The following TESC variants were observed in gnomAD, a reference collection of about 807,000 sequenced individuals.
TESC encodes the protein tescalcin, also known as calcineurin B homologous protein 3.
TESC carries 19 observed loss-of-function variants against 31.0 expected under a neutral mutation model. The ratio of observed to expected loss-of-function variants is 0.61; its 90% CI spans 0.43 to 0.90. The LOEUF is 0.90. TESC is among the 40% of genes least tolerant of loss of function. TESC has a pLI of 0.00. For synonymous variants in TESC, 109 were observed against 114.8 expected (o/e 0.95, Z 0.32); for missense variants, 248 against 303.8 (o/e 0.82, Z 1.36).
intron 1 of TESC, among the ~76,000 whole-genome samples, chr12:117,080,765 C>G (rs1955135504): frequency 1.3e-5 from 2 of 152,186 alleles, no homozygotes; most frequent in African/African-American, 4.8e-5. Flanking sequence ...CCAACCCCTT[C>G]CCTGCCCCCA....
intron 1 of TESC, among the ~76,000 whole-genome samples, chr12:117,076,135 G>C (rs1011326704): frequency 6.7e-6 from 1 of 148,660 alleles, no homozygotes; most frequent in Non-Finnish European, 1.5e-5. Context: ...ACTGCATCTG[G>C]TTGTCTGACT....
chr12:117,044,018 G>A (rs953104610), intron 6 of TESC, among the ~76,000 whole-genome samples: 3 of 152,190 alleles, frequency 2.0e-5, no homozygotes, highest in Non-Finnish European at 4.4e-5. Flanking sequence ...GGCCAAGGCA[G>A]GAGGACTGTT....
At chr12:117,098,137 A>C (rs887712700) in intron 1 of TESC, among the ~76,000 whole-genome samples, 3 of 152,092 alleles carry the variant, frequency 2.0e-5, no homozygotes, top group African/African-American at 7.2e-5. Flanking sequence ...CAGCTGGGCC[A>C]CCCTCTCTTG....
rs115562389 is a variant in TESC, at chr12:117,039,328, A to T, written c.568-118T>A. 8.1e-4 allele frequency: 794 copies of T among 981,438 alleles called. 3 individuals are homozygous for T. In the African/African-American group the frequency reaches 0.011, roughly 14 times the overall value. 60.8% of individuals were successfully genotyped at this position (981,438 alleles called of 1,614,324 possible). ...CTCCTGCCACCAACTGTGATGTTCCAGGCAGGTGAAAACCAGAGGGCTGTG... is the reference window on the plus strand; with the variant it reads ...CTCCTGCCACCAACTGTGATGTTCCTGGCAGGTGAAAACCAGAGGGCTGTG... On this transcript the variant is annotated intron_variant, in intron 7 of 7. Coordinates refer to ENST00000335209, the MANE Select transcript of TESC (RefSeq NM_017899.4).
rs115992629 is a variant in TESC at position 117,060,838 on chromosome 12, G to C, written c.129-3952C>G. Reference sequence around the variant, plus strand: ...CCAAGGCCCAGATCCCTGAGAAAGGGACCACGTGGAGCTCCAGAGGGAATC... The same window carrying C: ...CCAAGGCCCAGATCCCTGAGAAAGGCACCACGTGGAGCTCCAGAGGGAATC... On this transcript the variant is annotated intron_variant, in intron 2 of 7. Coordinates refer to ENST00000335209, the MANE Select transcript of TESC (RefSeq NM_017899.4). Among the ~76,000 whole-genome samples the C allele has an allele frequency of 4.5e-3, 692 of 152,322 alleles. 7 individuals carry two copies. The highest frequency in any genetic ancestry group is 0.015 in the African/African-American group (642 of 41,578).
chr12:117,092,815 A>C (rs949622918), intron 1 of TESC, among the ~76,000 whole-genome samples: 2 of 152,236 alleles, frequency 1.3e-5, no homozygotes, highest in African/African-American at 4.8e-5. Flanking sequence ...AATTTTAAAC[A>C]ATCAATAAAA....
intron 2 of TESC, among the ~76,000 whole-genome samples, chr12:117,072,500 A>C (rs1227853699): frequency 6.6e-6 from 1 of 152,238 alleles, no homozygotes; most frequent in African/African-American, 2.4e-5. Context: ...CAATGGCATG[A>C]AGGATTCTAA....
At chr12:117,096,408 C>G (rs536449744) in intron 1 of TESC, among the ~76,000 whole-genome samples, 1 of 152,164 alleles carries the variant, frequency 6.6e-6, no homozygotes, top group Non-Finnish European at 1.5e-5. Context: ...CCGATCGTCT[C>G]GCACGTAACC....
chr12:117,063,684 C>T (rs1954830171), intron 2 of TESC, among the ~76,000 whole-genome samples: 1 of 152,218 alleles, frequency 6.6e-6, no homozygotes, highest in South Asian at 2.1e-4. Context: ...CTTTGCCGGG[C>T]TGCCTGCCCA....
At chr12:117,075,124 C>A (rs957315503) in intron 2 of TESC, 147 bp downstream of exon 2, 4 of 784,342 alleles carry the variant, frequency 5.1e-6, no homozygotes, top group Non-Finnish European at 5.8e-6. Flanking sequence ...CCAGCCTGGG[C>A]GACGGAGCGA....
At chr12:117,097,630 C>T (rs1955413042) in intron 1 of TESC, among the ~76,000 whole-genome samples, 1 of 152,104 alleles carries the variant, frequency 6.6e-6, no homozygotes, top group Admixed American at 6.6e-5. Context: ...TATTAGTCTT[C>T]GGATTGAAGT....
rs1955439846 is a variant in TESC at position 117,099,262 on chromosome 12, C to T, written c.21G>A (p.Ala7=). The change falls in exon 1 of 8, where the codon GCG becomes GCA. Residue 7 remains alanine (A), a synonymous_variant. Transcript: ENST00000335209. ...CCTCGAGCTCCCGCACCTCCTCAGA[C>T]GCGGAGTGGGCAGCGCCCATGGTGC... MGAAHS[A]SEEVRELEGK... 1.4e-6 allele frequency: 2 copies of T among 1,469,052 alleles called. No homozygotes were observed. Among genetic ancestry groups the T allele is most frequent in the Non-Finnish European group, 1.8e-6 (2 of 1,117,974 alleles). The allele number at this position is 1,469,052 out of a possible 1,614,324, so 91.0% of individuals were successfully genotyped here. A position where few individuals can be genotyped will look rare whatever the true frequency, so the allele number is the denominator to read the frequency against.
intron 1 of TESC, among the ~76,000 whole-genome samples, chr12:117,085,247 G>A (rs1349410404): frequency 6.6e-6 from 1 of 152,168 alleles, no homozygotes; most frequent in African/African-American, 2.4e-5. Context: ...GAAGCAGCTG[G>A]GGTGGTGGGG....
At chr12:117,053,706 CT>C (rs943091228) in intron 3 of TESC, among the ~76,000 whole-genome samples, 3 of 152,184 alleles carry the variant, frequency 2.0e-5, no homozygotes, top group Non-Finnish European at 4.4e-5. Flanking sequence ...CACACACCCC[CT>C]AAACGTGCAC....
At chr12:117,089,229 G>A (rs1044322300) in intron 1 of TESC, among the ~76,000 whole-genome samples, 3 of 152,178 alleles carry the variant, frequency 2.0e-5, no homozygotes, top group African/African-American at 7.2e-5. Context: ...CCCAAACCAA[G>A]GAGTTAATGT....
At chr12:117,093,653 G>A (rs147131083) in intron 1 of TESC, among the ~76,000 whole-genome samples, 1 of 152,308 alleles carries the variant, frequency 6.6e-6, no homozygotes, top group Non-Finnish European at 1.5e-5. Context: ...GAAACCAACC[G>A]TGTTCCTGGG....
chr12:117,064,002 G>A (rs377379536), intron 2 of TESC, among the ~76,000 whole-genome samples: 61 of 152,170 alleles, frequency 4.0e-4, no homozygotes, highest in African/African-American at 1.3e-3. Flanking sequence ...ATGGCTCACT[G>A]CAGCCTTGAA....
chr12:117,077,871 T>A (rs1166242262), intron 1 of TESC, among the ~76,000 whole-genome samples: 1 of 152,112 alleles, frequency 6.6e-6, no homozygotes, highest in Non-Finnish European at 1.5e-5. Flanking sequence ...CTTTACATAG[T>A]CGTGTTCTCG....
intron 1 of TESC, among the ~76,000 whole-genome samples, chr12:117,083,546 C>A (rs746733409): frequency 6.6e-5 from 10 of 152,162 alleles, no homozygotes; most frequent in Admixed American, 1.3e-4. Flanking sequence ...GATGACAGAA[C>A]ATTATTCAGC....
Sources: allele counts gnomAD v4.1 joint callset (sites outside exome capture counted in the v4.1 genomes callset), GRCh38; gene constraint gnomAD v4.1.1; transcripts MANE v1.5; gene names NCBI Gene and HGNC (gene_info 2026-07-23, HGNC 2026-07-21).